Variants in CEP135 observed in about 807,000 individuals in gnomAD.
The protein encoded by CEP135 is centrosomal protein of 135 kDa.
Under a neutral mutation model 157.3 loss-of-function variants are expected in CEP135, and 142 were observed. The observed-to-expected ratio is 0.90, with a 90% confidence interval of 0.79 to 1.04. The LOEUF (loss-of-function observed/expected upper bound fraction) is 1.04, where lower values mean the gene tolerates loss of function less well. Among genes scored for constraint, CEP135 ranks in the 50% least tolerant of loss-of-function variants. The probability of loss-of-function intolerance (pLI) is 0.00; values close to 1 mark genes in which losing one functional copy is unlikely to be tolerated. For synonymous variants in CEP135, 396 were observed against 439.8 expected (o/e 0.90, Z 1.25); for missense variants, 1,317 against 1,309.2 (o/e 1.01, Z -0.09).
chr4:55,954,808 G>A (rs1475034614), intron 4 of CEP135, among the ~76,000 whole-genome samples: 1 of 152,196 alleles, frequency 6.6e-6, no homozygotes, highest in East Asian at 1.9e-4. Flanking sequence ...GATGGGTCCA[G>A]GTGCAGTGGC....
chr4:56,029,935 A>G (rs1327439161), intron 25 of CEP135, among the ~76,000 whole-genome samples: 1 of 152,170 alleles, frequency 6.6e-6, no homozygotes, highest in Non-Finnish European at 1.5e-5. Context: ...GACTTTATAA[A>G]CACTGTATAC....
chr4:56,020,995 T>C (rs1171577254), intron 24 of CEP135, among the ~76,000 whole-genome samples: 1 of 152,212 alleles, frequency 6.6e-6, no homozygotes, highest in Non-Finnish European at 1.5e-5. Context: ...ACATAGCGGA[T>C]GCTATATAAA....
intron 1 of CEP135, among the ~76,000 whole-genome samples, chr4:55,949,762 C>G (rs894823309): frequency 3.3e-5 from 5 of 152,206 alleles, no homozygotes; most frequent in African/African-American, 1.2e-4. Context: ...AGTATAGCCA[C>G]CATATTTGGA....
chr4:56,005,534 TG>T (rs1214054707), intron 17 of CEP135, among the ~76,000 whole-genome samples: 1 of 152,226 alleles, frequency 6.6e-6, no homozygotes, highest in East Asian at 1.9e-4. Context: ...TTTACAGATT[TG>T]TATATTGCCT....
At chr4:56,003,820 A>G (rs1730261364) in intron 17 of CEP135, among the ~76,000 whole-genome samples, 1 of 151,884 alleles carries the variant, frequency 6.6e-6, no homozygotes, top group African/African-American at 2.4e-5. Flanking sequence ...TTTCAGACAC[A>G]AGCAATCCTC....
intron 10 of CEP135, 23 bp from the exon 11 acceptor site, chr4:55,974,723 G>T: frequency 6.5e-7 from 1 of 1,549,940 alleles, no homozygotes; most frequent in South Asian, 1.1e-5. Flanking sequence ...ATTATTTTAA[G>T]AGTTAACCAC....
At chr4:55,991,206 G>A (rs937256789) in intron 14 of CEP135, among the ~76,000 whole-genome samples, 3 of 151,826 alleles carry the variant, frequency 2.0e-5, no homozygotes, top group African/African-American at 7.3e-5. Context: ...TCCATCTCTT[G>A]ACTTCATGAT....
intron 24 of CEP135, among the ~76,000 whole-genome samples, chr4:56,022,703 C>G (rs1232662651): frequency 6.6e-6 from 1 of 152,066 alleles, no homozygotes; most frequent in African/African-American, 2.4e-5. Context: ...TACCCAGACA[C>G]AGGGAAGGAA....
chr4:55,961,884 G>A (rs1728692772), intron 6 of CEP135, among the ~76,000 whole-genome samples: 1 of 150,948 alleles, frequency 6.6e-6, no homozygotes, highest in Non-Finnish European at 1.5e-5. Flanking sequence ...CTTAAGACTT[G>A]GTGGGCAGGG....
chr4:56,012,576 C>G (rs1009168138), intron 21 of CEP135, among the ~76,000 whole-genome samples: 2 of 152,148 alleles, frequency 1.3e-5, no homozygotes, highest in Non-Finnish European at 2.9e-5. Context: ...TGTCATTCTG[C>G]TTTCTGTCAC....
chr4:55,959,596 A>G (rs1436865588), intron 5 of CEP135, 86 bp from the exon 6 acceptor site: 7 of 1,149,432 alleles, frequency 6.1e-6, no homozygotes, highest in Non-Finnish European at 9.0e-6. Flanking sequence ...AAAGTATAGA[A>G]TTTATGAAAT....
At chr4:55,949,621 C>G (rs1728293412) in intron 1 of CEP135, among the ~76,000 whole-genome samples, 1 of 152,200 alleles carries the variant, frequency 6.6e-6, no homozygotes. Context: ...CCTGTGCACA[C>G]ATACATACAG....
intron 8 of CEP135, among the ~76,000 whole-genome samples, chr4:55,967,627 T>C (rs1348948392): frequency 6.6e-6 from 1 of 152,250 alleles, no homozygotes; most frequent in East Asian, 1.9e-4. Context: ...TAGAACTATG[T>C]GCATACCATA....
chr4:55,963,357 C>T (rs1264060430), intron 6 of CEP135, among the ~76,000 whole-genome samples: 1 of 152,226 alleles, frequency 6.6e-6, no homozygotes, highest in Non-Finnish European at 1.5e-5. Flanking sequence ...ATGCACATTA[C>T]ATCCAGTCAT....
chr4:55,985,791 A>G (rs1043769662), intron 14 of CEP135, among the ~76,000 whole-genome samples: 8 of 152,072 alleles, frequency 5.3e-5, no homozygotes, highest in South Asian at 2.1e-4. Context: ...TACAATTACA[A>G]TAGCTGGGCA....
chr4:55,957,290 T>C lies in CEP135; in HGVS notation c.540T>C (p.Ser180=). The change falls in exon 5 of 26, where the codon TCT becomes TCC. Residue 180 remains serine, a synonymous_variant. Coordinates refer to ENST00000257287, the MANE Select transcript of CEP135 (RefSeq NM_025009.5). ...AAATTGATGAACCGGTTCCTCCCTC[T>C]GAAGTCAGTTCATATCCAGTTCCTC... ...RMQIDEPVPP[S]EVSSYPVPQP... The C allele has an allele frequency of 6.2e-7, 1 of 1,614,168 alleles. No homozygotes were observed. The highest frequency in any genetic ancestry group is 1.1e-5 in the South Asian group (1 of 91,080).
intron 1 of CEP135, among the ~76,000 whole-genome samples, chr4:55,949,722 A>C (rs895812363): frequency 1.3e-5 from 2 of 152,202 alleles, no homozygotes; most frequent in African/African-American, 4.8e-5. Flanking sequence ...CCCAAACCTA[A>C]CCTTTTATGT....
chr4:56,024,160 A>G (rs911533735), intron 24 of CEP135, among the ~76,000 whole-genome samples: 25 of 146,744 alleles, frequency 1.7e-4, no homozygotes, highest in African/African-American at 6.2e-4. Context: ...GTATATCAGT[A>G]TTACTATTAA....
intron 21 of CEP135, among the ~76,000 whole-genome samples, chr4:56,017,221 T>C (rs1730808009): frequency 6.6e-6 from 1 of 152,116 alleles, no homozygotes; most frequent in Non-Finnish European, 1.5e-5. Flanking sequence ...AGTTTTGAAG[T>C]AAACCCCATT....
Sources: gnomAD v4.1 joint callset for allele counts (sites outside exome capture counted in the v4.1 genomes callset) on GRCh38, gnomAD v4.1.1 for gene constraint, MANE v1.5 for transcripts, NCBI Gene and HGNC (gene_info 2026-07-23, HGNC 2026-07-21) for gene names.